CNBD1: variants seen among roughly 807,000 people sequenced by gnomAD.
CNBD1 encodes the protein cyclic nucleotide-binding domain-containing protein 1.
Under a neutral mutation model 54.4 loss-of-function variants are expected in CNBD1, and 71 were observed. The observed-to-expected ratio is 1.30, with a 90% confidence interval of 1.08 to 1.59. The LOEUF is 1.59. CNBD1 is among the 40% of genes most tolerant of loss of function. The pLI is 0.00. For missense variants in CNBD1, 659 were observed against 518.0 expected (o/e 1.27, Z -2.64); for synonymous variants, 182 against 170.7 (o/e 1.07, Z -0.51).
At chr8:87,371,996 G>T (rs1810816950) in intron 10 of CNBD1, among the ~76,000 whole-genome samples, 1 of 151,344 alleles carries the variant, frequency 6.6e-6, no homozygotes, top group Admixed American at 6.6e-5. Flanking sequence ...AGGGCAATTA[G>T]GCAGGAGAAG....
chr8:87,011,898 G>T (rs1353367275), intron 4 of CNBD1, among the ~76,000 whole-genome samples: 1 of 152,120 alleles, frequency 6.6e-6, no homozygotes, highest in African/African-American at 2.4e-5. Flanking sequence ...AATAATTTGT[G>T]CTTGAAGGGG....
intron 10 of CNBD1, 41 bp downstream of exon 10, chr8:87,353,827 T>C (rs757644554): frequency 2.0e-6 from 3 of 1,486,842 alleles, no homozygotes; most frequent in Non-Finnish European, 1.8e-6. Flanking sequence ...ACCATTTTAT[T>C]GGATGAGTTC....
chr8:87,239,124 T>A (rs1807638609), intron 6 of CNBD1, among the ~76,000 whole-genome samples: 1 of 152,154 alleles, frequency 6.6e-6, no homozygotes, highest in African/African-American at 2.4e-5. Flanking sequence ...AATCCAGTAT[T>A]TTTTCTAGTT....
At chr8:86,910,228 C>G (rs902221115) in intron 3 of CNBD1, among the ~76,000 whole-genome samples, 1 of 152,178 alleles carries the variant, frequency 6.6e-6, no homozygotes. Flanking sequence ...AAAAGCCAGC[C>G]TTAGAGAAAA....
chr8:86,959,698 A>G (rs1033042794), intron 4 of CNBD1, among the ~76,000 whole-genome samples: 1 of 152,112 alleles, frequency 6.6e-6, no homozygotes. Context: ...TTTCAGCTCC[A>G]TCAGGTCATT....
intron 8 of CNBD1, among the ~76,000 whole-genome samples, chr8:87,336,734 C>T (rs1383861166): frequency 7.9e-5 from 12 of 152,088 alleles, no homozygotes; most frequent in African/African-American, 2.2e-4. Context: ...AGTTCTGCAC[C>T]CTTGCTTGAG....
chr8:86,950,958 A>C lies in CNBD1; in HGVS notation c.431+11204A>C, dbSNP rs1476332447. On this transcript the variant is annotated intron_variant, in intron 4 of 10. Coordinates refer to ENST00000518476, the MANE Select transcript of CNBD1 (RefSeq NM_173538.3). The stretch of plus-strand genomic sequence containing the variant: ...TTTATTCTGTGTTCATTTATTCTAT[A>C]TATTCCAAAGGATCATAGTGACTAC... 2.6e-5 allele frequency among the ~76,000 whole-genome samples: 4 copies of C among 152,094 alleles called. No individual in the cohort carries two copies. In the East Asian group the frequency reaches 7.7e-4, roughly 29 times the overall value.
chr8:87,256,474 T>C (rs2130844654), intron 6 of CNBD1, among the ~76,000 whole-genome samples: 1 of 152,176 alleles, frequency 6.6e-6, no homozygotes, highest in South Asian at 2.1e-4. Flanking sequence ...ACCTGAGCAG[T>C]GAAGAGCTTC....
chr8:86,871,740 C>T (rs1227743188), intron 1 of CNBD1, among the ~76,000 whole-genome samples: 1 of 152,170 alleles, frequency 6.6e-6, no homozygotes, highest in Non-Finnish European at 1.5e-5. Context: ...TCCATAAGGA[C>T]ACTGTTAGGG....
intron 10 of CNBD1, among the ~76,000 whole-genome samples, chr8:87,361,957 T>G (rs1011115637): frequency 3.9e-5 from 6 of 152,046 alleles, no homozygotes; most frequent in African/African-American, 1.2e-4. Flanking sequence ...CACTTCAGAC[T>G]TATGGAAGCA....
chr8:87,387,487 C>A (rs924568187), downstream of CNBD1, among the ~76,000 whole-genome samples: 3 of 152,046 alleles, frequency 2.0e-5, no homozygotes, highest in South Asian at 2.1e-4. Flanking sequence ...TTTAAACCAA[C>A]AAAGATCAAA....
In CNBD1 at chr8:87,351,665, A is replaced by G. The variant is rs62526808; in HGVS notation, c.1043-20A>G. On this transcript the variant is annotated intron_variant, in intron 8 of 10. Transcript: ENST00000518476. Reference sequence around the variant, plus strand: ...TTAAAGACAAGAATGTGTGAAATGAACTATCTCTCTTCTTTTCAGTGATAG... The same window carrying G: ...TTAAAGACAAGAATGTGTGAAATGAGCTATCTCTCTTCTTTTCAGTGATAG... 82,164 of 1,468,546 alleles carry G rather than the reference A, an allele frequency of 0.056. 2,592 individuals carry two copies. Among genetic ancestry groups the G allele is most frequent in the Non-Finnish European group, 0.063 (70,100 of 1,112,216 alleles). 91.0% of individuals were successfully genotyped at this position (1,468,546 alleles called of 1,614,324 possible).
intron 4 of CNBD1, among the ~76,000 whole-genome samples, chr8:87,195,834 A>G (rs573787553): frequency 8.5e-4 from 129 of 152,182 alleles, no homozygotes; most frequent in African/African-American, 3.0e-3. Context: ...TGGCCTCCCA[A>G]AGTGCTGGGA....
At chr8:87,412,721 C>A (rs1411983404) in intron 2 of CNBD1, among the ~76,000 whole-genome samples, 1 of 152,058 alleles carries the variant, frequency 6.6e-6, no homozygotes. Context: ...AACATAGTCA[C>A]AGGAGCCTCT....
chr8:86,985,828 C>T (rs1167943236), intron 4 of CNBD1, among the ~76,000 whole-genome samples: 3 of 152,120 alleles, frequency 2.0e-5, no homozygotes, highest in African/African-American at 7.2e-5. Flanking sequence ...AATGGTTAAG[C>T]CTTCCCCTTT....
intron 4 of CNBD1, among the ~76,000 whole-genome samples, chr8:86,970,599 C>T (rs1324020483): frequency 6.6e-6 from 1 of 150,616 alleles, no homozygotes; most frequent in Non-Finnish European, 1.5e-5. Flanking sequence ...AACCCTTCCC[C>T]TCTTCTCTCC....
At chr8:87,011,476 TA>T (rs1172800697) in intron 4 of CNBD1, among the ~76,000 whole-genome samples, 1 of 152,178 alleles carries the variant, frequency 6.6e-6, no homozygotes, top group Non-Finnish European at 1.5e-5. Context: ...TGAAAAATCA[TA>T]AAAGTTGGAT....
chr8:87,088,012 T>C (rs962507440), intron 4 of CNBD1, among the ~76,000 whole-genome samples: 1 of 152,200 alleles, frequency 6.6e-6, no homozygotes, highest in African/African-American at 2.4e-5. Flanking sequence ...TTAGCTTATA[T>C]GCACATAAAG....
intron 4 of CNBD1, among the ~76,000 whole-genome samples, chr8:87,172,082 T>C (rs190137467): frequency 1.3e-5 from 2 of 152,244 alleles, no homozygotes; most frequent in Admixed American, 1.3e-4. Flanking sequence ...TCTTCAATGA[T>C]TCAATGGACA....
Sources: gnomAD v4.1 joint callset for allele counts (sites outside exome capture counted in the v4.1 genomes callset) on GRCh38, gnomAD v4.1.1 for gene constraint, MANE v1.5 for transcripts, NCBI Gene and HGNC (gene_info 2026-07-23, HGNC 2026-07-21) for gene names.